The following CCM2L variants were observed in gnomAD, a reference collection of about 807,000 sequenced individuals.
The protein encoded by CCM2L is CCM2 like scaffold protein.
CCM2L carries 36 observed loss-of-function variants against 54.1 expected under a neutral mutation model. That is an observed-to-expected ratio of 0.67 (90% CI 0.51 to 0.88). The LOEUF is 0.88. Ranked by LOEUF, CCM2L falls within the 40% of genes least tolerant of loss-of-function variation. The probability of loss-of-function intolerance (pLI) is 0.00; values close to 1 mark genes in which losing one functional copy is unlikely to be tolerated. For missense variants in CCM2L, 700 were observed against 812.1 expected (o/e 0.86, Z 1.68); for synonymous variants, 351 against 359.3 (o/e 0.98, Z 0.26).
chr20:32,015,785 C>T (rs549029287), intron 2 of CCM2L, among the ~76,000 whole-genome samples: 14 of 151,974 alleles, frequency 9.2e-5, no homozygotes, highest in Non-Finnish European at 1.8e-4. Flanking sequence ...ACTGCAGTGA[C>T]CTTGCTGTTA....
At chr20:32,018,896 C>A (rs1203870722) in intron 4 of CCM2L, 47 bp from the exon 5 acceptor site, 1 of 1,254,244 alleles carries the variant, frequency 8.0e-7, no homozygotes. Context: ...GCGGGGGGGT[C>A]TCTGAGTCCC....
chr20:32,014,261 AT>A (rs5841095), intron 1 of CCM2L, among the ~76,000 whole-genome samples: 1,451 of 132,174 alleles, frequency 0.011, 7 homozygotes, highest in Middle Eastern at 0.02. Context: ...ATATATATAT[AT>A]TTTTTTTTTT....
rs6061110 is a variant in CCM2L at position 32,027,135 on chromosome 20, T to A, written c.1133+1216T>A. Reference sequence around the variant, plus strand: ...TCCCAGTTTGCTCAGGAATGAGGGGTTCCCCCGGATATGGGATTTTCAGTG... The same window carrying A: ...TCCCAGTTTGCTCAGGAATGAGGGGATCCCCCGGATATGGGATTTTCAGTG... On this transcript the variant is annotated intron_variant, in intron 7 of 9. Transcript: ENST00000452892. 4.2e-3 allele frequency among the ~76,000 whole-genome samples: 633 copies of A among 152,366 alleles called. 3 individuals carry two copies. Among genetic ancestry groups the A allele is most frequent in the African/African-American group, 0.015 (613 of 41,590 alleles).
Position 32,018,922 on chromosome 20 carries a change from C to T in CCM2L, c.467-21C>T, listed in dbSNP as rs1056635764. 53 of 1,295,840 alleles carry T rather than the reference C, an allele frequency of 4.1e-5. No individual in the cohort carries two copies. In the African/African-American group the frequency reaches 7.0e-4, roughly 17 times the overall value. 80.3% of individuals were successfully genotyped at this position (1,295,840 alleles called of 1,614,324 possible). A position where few individuals can be genotyped will look rare whatever the true frequency, so the allele number is the denominator to read the frequency against. On this transcript the variant is annotated intron_variant, in intron 4 of 9. Transcript: ENST00000452892. ...TCTGAGTCCCGATCCCCGCGGCTGACGGTCCCCCGGACTCTCCTAGGTCTG... is the reference window on the plus strand; with the variant it reads ...TCTGAGTCCCGATCCCCGCGGCTGATGGTCCCCCGGACTCTCCTAGGTCTG...
chr20:32,014,592 G>A (rs2064722640), intron 1 of CCM2L, among the ~76,000 whole-genome samples: 1 of 152,028 alleles, frequency 6.6e-6, no homozygotes, highest in African/African-American at 2.4e-5. Flanking sequence ...TTCTGTATTT[G>A]CCCCAGCCTA....
intron 9 of CCM2L, among the ~76,000 whole-genome samples, chr20:32,030,390 C>G (rs2064909921): frequency 1.3e-5 from 2 of 152,140 alleles, no homozygotes; most frequent in Non-Finnish European, 2.9e-5. Context: ...GGAAATAAAA[C>G]AAACTGTTTA....
intron 1 of CCM2L, 146 bp downstream of exon 1, chr20:32,010,630 T>C (rs1237937539): frequency 2.6e-6 from 2 of 771,668 alleles, no homozygotes; most frequent in Non-Finnish European, 4.3e-6. Context: ...TTCCCACTCT[T>C]GGACAGCCAG....
chr20:32,021,262 C>G (rs1395914149), intron 5 of CCM2L, among the ~76,000 whole-genome samples: 1 of 152,242 alleles, frequency 6.6e-6, no homozygotes, highest in Non-Finnish European at 1.5e-5. Flanking sequence ...CCCACTTCCT[C>G]TGTGGCTGGA....
intron 1 of CCM2L, among the ~76,000 whole-genome samples, chr20:32,014,674 C>G (rs1454643095): frequency 3.3e-5 from 5 of 152,174 alleles, no homozygotes; most frequent in Non-Finnish European, 7.3e-5. Flanking sequence ...GTCGTTGGAT[C>G]CAGAATGCCC....
chr20:32,029,354 T>A (rs2064897052), intron 8 of CCM2L, among the ~76,000 whole-genome samples: 1 of 152,172 alleles, frequency 6.6e-6, no homozygotes, highest in Non-Finnish European at 1.5e-5. Flanking sequence ...TCTAAGCACC[T>A]TTCATGCATT....
intron 1 of CCM2L, among the ~76,000 whole-genome samples, chr20:32,014,526 A>C (rs1385089935): frequency 6.6e-6 from 1 of 152,138 alleles, no homozygotes; most frequent in East Asian, 1.9e-4. Flanking sequence ...TTGGCCTCCC[A>C]AAGTGCTGGG....
At chr20:32,020,164 A>C (rs537132962) in intron 5 of CCM2L, among the ~76,000 whole-genome samples, 1 of 152,308 alleles carries the variant, frequency 6.6e-6, no homozygotes, top group South Asian at 2.1e-4. Context: ...GACACCTTCA[A>C]GTTCTGAGCA....
chr20:32,013,526 C>T (rs1418483775), intron 1 of CCM2L, among the ~76,000 whole-genome samples: 1 of 152,092 alleles, frequency 6.6e-6, no homozygotes, highest in Admixed American at 6.5e-5. Context: ...ACAGCAGCCT[C>T]GACCTCCCAG....
intron 9 of CCM2L, among the ~76,000 whole-genome samples, chr20:32,030,531 G>A (rs912486585): frequency 1.4e-4 from 21 of 152,186 alleles, no homozygotes; most frequent in Admixed American, 1.4e-3. Context: ...GGAATATAAT[G>A]ATGGTACTAA....
At chr20:32,025,295 G>T (rs1277709664) in intron 6 of CCM2L, among the ~76,000 whole-genome samples, 5 of 136,440 alleles carry the variant, frequency 3.7e-5, no homozygotes, top group Non-Finnish European at 7.7e-5. Flanking sequence ...TTTTTTCAGG[G>T]TCTGGCTCTG....
intron 9 of CCM2L, 107 bp from the exon 10 acceptor site, chr20:32,030,894 A>G (rs1208587703): frequency 2.0e-6 from 2 of 995,982 alleles, no homozygotes; most frequent in Non-Finnish European, 2.7e-6. Flanking sequence ...CCACACAGCC[A>G]GTGAGTGACA....
At chr20:32,030,395 T>C (rs1324207511) in intron 9 of CCM2L, among the ~76,000 whole-genome samples, 1 of 152,090 alleles carries the variant, frequency 6.6e-6, no homozygotes, top group Non-Finnish European at 1.5e-5. Context: ...TAAAACAAAC[T>C]GTTTACAGAG....
Position 32,031,189 on chromosome 20 carries a change from C to T in CCM2L, c.1591C>T (p.His531Tyr). The change falls in exon 10 of 10, where the codon CAC (histidine) becomes TAC (tyrosine). Residue 531 changes from histidine to tyrosine, a missense_variant. By Grantham distance (83) the His-to-Tyr change is moderately conservative. Transcript: ENST00000452892. ...GCAGCGGCCCGAGGCACAGGCCTTC[C>T]ACCGGCTGCTGGCTGACATCACGCA... is the stretch of plus-strand genomic sequence containing the variant. ...AAQRPEAQAF[H>Y]RLLADITHDI... The T allele has an allele frequency of 7.7e-7, 1 of 1,301,964 alleles. No individual in the cohort carries two copies. The highest frequency in any genetic ancestry group is 1.0e-6 in the Non-Finnish European group (1 of 988,554). The allele number at this position is 1,301,964 out of a possible 1,614,324, so 80.7% of individuals were successfully genotyped here. A position where few individuals can be genotyped will look rare whatever the true frequency, so the allele number is the denominator to read the frequency against.
chr20:32,012,146 A>G (rs1254143586), intron 1 of CCM2L, among the ~76,000 whole-genome samples: 1 of 151,990 alleles, frequency 6.6e-6, no homozygotes, highest in East Asian at 1.9e-4. Context: ...TGGCTCCATG[A>G]TATGGGTTCT....
Sources: gnomAD v4.1 joint callset for allele counts (sites outside exome capture counted in the v4.1 genomes callset) on GRCh38, gnomAD v4.1.1 for gene constraint, MANE v1.5 for transcripts, NCBI Gene and HGNC (gene_info 2026-07-23, HGNC 2026-07-21) for gene names.